TGFBR2: variants seen among roughly 807,000 people sequenced by gnomAD.
TGFBR2 encodes the protein TGF-beta receptor type-2.
A neutral mutation model predicts 49.0 loss-of-function variants in TGFBR2; 18 were observed. The observed-to-expected ratio is 0.37, with a 90% CI of 0.25 to 0.54. TGFBR2 has a LOEUF of 0.54. Among genes scored for constraint, TGFBR2 ranks in the 20% least tolerant of loss-of-function variants. The probability of loss-of-function intolerance (pLI) is 0.85; values close to 1 mark genes in which losing one functional copy is unlikely to be tolerated. For missense variants in TGFBR2, 525 were observed against 722.6 expected, an observed-to-expected ratio of 0.73 and a Z score of 3.13; for synonymous variants, 282 against 275.9, an observed-to-expected ratio of 1.02 and a Z score of -0.22.
chr3:30,651,139 C>G (rs926228519), intron 3 of TGFBR2, among the ~76,000 whole-genome samples: 6 of 152,136 alleles, frequency 3.9e-5, no homozygotes, highest in Non-Finnish European at 7.3e-5. Flanking sequence ...ACACTATTCC[C>G]TCAATTTTTA....
chr3:30,617,236 C>A (rs1001392716), intron 1 of TGFBR2, among the ~76,000 whole-genome samples: 7 of 152,174 alleles, frequency 4.6e-5, no homozygotes, highest in Non-Finnish European at 8.8e-5. Flanking sequence ...GGAGTAGCTG[C>A]CGCAACCTCT....
At chr3:30,615,076 T>C (rs1453084746) in intron 1 of TGFBR2, among the ~76,000 whole-genome samples, 1 of 152,210 alleles carries the variant, frequency 6.6e-6, no homozygotes, top group Non-Finnish European at 1.5e-5. Flanking sequence ...ATGAAGTGTA[T>C]ACCTCAAGTG....
intron 2 of TGFBR2, among the ~76,000 whole-genome samples, chr3:30,647,818 AG>A (rs1382736776): frequency 1.3e-5 from 2 of 152,028 alleles, no homozygotes; most frequent in African/African-American, 4.8e-5. Context: ...CTGTGATTAC[AG>A]GTGCACACCA....
intron 5 of TGFBR2, among the ~76,000 whole-genome samples, chr3:30,685,047 A>G (rs1338240712): frequency 6.6e-6 from 1 of 152,156 alleles, no homozygotes; most frequent in Non-Finnish European, 1.5e-5. Flanking sequence ...ATCAGCCATG[A>G]GATTGACAGC....
In TGFBR2 at chr3:30,691,684, G is replaced by T. The variant is rs1355612472; in HGVS notation, c.*85G>T. 3 of 1,539,534 alleles carry T rather than the reference G, an allele frequency of 1.9e-6. No individual in the cohort carries two copies. The highest frequency in any genetic ancestry group is 4.5e-5 in the East Asian group (2 of 44,424). The stretch of plus-strand genomic sequence containing the variant: ...GGCAGCAGGAAGCTGCCCCTGAACT[G>T]ATGCTTCCTGGAAAACCAAGGGGGT... On this transcript the variant is annotated 3_prime_UTR_variant, in exon 7 of 7. Coordinates refer to ENST00000295754, the MANE Select transcript of TGFBR2 (RefSeq NM_003242.6).
chr3:30,635,269 C>T (rs1698507756), intron 1 of TGFBR2, among the ~76,000 whole-genome samples: 1 of 151,818 alleles, frequency 6.6e-6, no homozygotes, highest in South Asian at 2.1e-4. Context: ...CTGCAAGAGT[C>T]ATTTTAAATG....
intron 1 of TGFBR2, among the ~76,000 whole-genome samples, chr3:30,627,454 A>G (rs543751023): frequency 6.6e-6 from 1 of 152,084 alleles, no homozygotes; most frequent in African/African-American, 2.4e-5. Flanking sequence ...ATTGGTACAC[A>G]TGTGTAAACC....
chr3:30,626,926 T>G (rs1032981570), intron 1 of TGFBR2: 1 of 152,180 alleles, frequency 6.6e-6, no homozygotes, highest in African/African-American at 2.4e-5. Flanking sequence ...AGCAGAAAGG[T>G]AATCAGATTA....
chr3:30,623,239 C>T (rs1316109620), intron 1 of TGFBR2: 1 of 1,612,402 alleles, frequency 6.2e-7, no homozygotes, highest in Non-Finnish European at 8.5e-7. Context: ...TCATCTGCCC[C>T]AGCTGTAATA....
At chr3:30,666,895 CA>C (rs1165112090) in intron 3 of TGFBR2, among the ~76,000 whole-genome samples, 2 of 151,924 alleles carry the variant, frequency 1.3e-5, no homozygotes, top group Non-Finnish European at 2.9e-5. Context: ...ATTCTCCCGC[CA>C]AAGTGCTAGG....
intron 3 of TGFBR2, among the ~76,000 whole-genome samples, chr3:30,651,329 C>T (rs1698881428): frequency 6.6e-6 from 1 of 152,124 alleles, no homozygotes; most frequent in Non-Finnish European, 1.5e-5. Flanking sequence ...ACGTCTCTAT[C>T]ATTCATTCAT....
At chr3:30,638,367 A>G (rs59263151) in intron 1 of TGFBR2, among the ~76,000 whole-genome samples, 5,953 of 152,264 alleles carry the variant, frequency 0.039, 412 homozygotes, top group African/African-American at 0.14. Flanking sequence ...AAATATTTGC[A>G]TAAGAAGGAG....
intron 1 of TGFBR2, among the ~76,000 whole-genome samples, chr3:30,636,896 C>G (rs1013739780): frequency 2.0e-5 from 3 of 151,922 alleles, no homozygotes; most frequent in Non-Finnish European, 2.9e-5. Context: ...AACCCCGTCT[C>G]TACTAAAAAT....
chr3:30,654,327 A>G (rs1698954100), intron 3 of TGFBR2, among the ~76,000 whole-genome samples: 1 of 152,152 alleles, frequency 6.6e-6, no homozygotes, highest in African/African-American at 2.4e-5. Context: ...TGGTTTTTAG[A>G]ATGAAAGAGT....
Position 30,670,565 on chromosome 3 carries a change from T to G in TGFBR2, c.455-1073T>G, listed in dbSNP as rs535865738. On this transcript the variant is annotated intron_variant, in intron 3 of 6. Coordinates refer to ENST00000295754, the MANE Select transcript of TGFBR2 (RefSeq NM_003242.6). The stretch of plus-strand genomic sequence containing the variant: ...GCACAAGCTCCCAGTGAACTAGAGC[T>G]GCCTTTTGCTCTCTCCTGTCCACTG... 1.7e-3 allele frequency among the ~76,000 whole-genome samples: 254 copies of G among 152,362 alleles called. 1 individual carries two copies. The highest frequency in any genetic ancestry group is 2.9e-3 in the Non-Finnish European group (197 of 68,032).
At chr3:30,658,954 C>T (rs753200223) in intron 3 of TGFBR2, among the ~76,000 whole-genome samples, 4 of 152,126 alleles carry the variant, frequency 2.6e-5, no homozygotes, top group Admixed American at 1.3e-4. Context: ...CGTTGTTTTC[C>T]GAGTAAGGGA....
chr3:30,658,197 G>GTT (rs975452226), intron 3 of TGFBR2, among the ~76,000 whole-genome samples: 1 of 152,144 alleles, frequency 6.6e-6, no homozygotes, highest in Non-Finnish European at 1.5e-5. Context: ...TGGTTTTTGT[G>GTT]TTTCTCTCTC....
chr3:30,607,814 T>A (rs994735757), intron 1 of TGFBR2, among the ~76,000 whole-genome samples: 32 of 131,964 alleles, frequency 2.4e-4, no homozygotes, highest in East Asian at 6.1e-4. Flanking sequence ...ATATATATAT[T>A]ATATATATAT....
At chr3:30,677,641 G>C (rs1207384060) in intron 5 of TGFBR2, among the ~76,000 whole-genome samples, 1 of 152,188 alleles carries the variant, frequency 6.6e-6, no homozygotes, top group Non-Finnish European at 1.5e-5. Context: ...TTTCAGCCTA[G>C]TCTTAGTTTC....
Sources: allele counts gnomAD v4.1 joint callset (sites outside exome capture counted in the v4.1 genomes callset), GRCh38; gene constraint gnomAD v4.1.1; transcripts MANE v1.5; gene names NCBI Gene and HGNC (gene_info 2026-07-23, HGNC 2026-07-21).